Variants in CREBBP observed in about 807,000 individuals in gnomAD.
CREBBP encodes CREB binding lysine acetyltransferase.
Under a neutral mutation model 265.0 loss-of-function variants are expected in CREBBP, and 19 were observed. The ratio of observed to expected loss-of-function variants is 0.07; its 90% CI spans 0.05 to 0.11. The LOEUF (loss-of-function observed/expected upper bound fraction) is 0.11, where lower values mean the gene tolerates loss of function less well. Among genes scored for constraint, CREBBP ranks in the 10% least tolerant of loss-of-function variants. CREBBP has a pLI of 1.00. For missense variants in CREBBP, 2,525 were observed against 3,219.0 expected (o/e 0.78, Z 5.22); for synonymous variants, 1,457 against 1,223.7 (o/e 1.19, Z -3.98).
At chr16:3,753,264 C>A (rs1242138250) in intron 19 of CREBBP, among the ~76,000 whole-genome samples, 2 of 152,234 alleles carry the variant, frequency 1.3e-5, no homozygotes, top group Non-Finnish European at 1.5e-5. Context: ...TAGGACAGGT[C>A]CCCCACAAGT....
At chr16:3,735,297 T>C (rs1006869510) in intron 28 of CREBBP, among the ~76,000 whole-genome samples, 1 of 152,074 alleles carries the variant, frequency 6.6e-6, no homozygotes, top group Non-Finnish European at 1.5e-5. Flanking sequence ...GGGGCGGAGA[T>C]GGGGTTTTGT....
At chr16:3,776,024 C>T (rs760480216) in intron 11 of CREBBP, among the ~76,000 whole-genome samples, 6 of 152,044 alleles carry the variant, frequency 3.9e-5, no homozygotes, top group Admixed American at 2.0e-4. Context: ...TCAAGCAATT[C>T]TCCTGCCTCA....
At chr16:3,748,616 T>C (rs1055288011) in intron 21 of CREBBP, among the ~76,000 whole-genome samples, 1 of 152,202 alleles carries the variant, frequency 6.6e-6, no homozygotes, top group African/African-American at 2.4e-5. Context: ...AGGGTCTGTT[T>C]CTTGCCTTGG....
intron 2 of CREBBP, among the ~76,000 whole-genome samples, chr16:3,823,972 ACAC>A (rs1377693453): frequency 1.3e-5 from 2 of 151,854 alleles, no homozygotes; most frequent in African/African-American, 4.8e-5. Flanking sequence ...ACACACACAC[ACAC>A]ACACACACAC....
intron 4 of CREBBP, among the ~76,000 whole-genome samples, chr16:3,792,857 C>T (rs543778837): frequency 7.2e-5 from 11 of 152,204 alleles, no homozygotes; most frequent in African/African-American, 2.7e-4. Flanking sequence ...CACCACCCCC[C>T]CTGGGATGAT....
intron 24 of CREBBP, 131 bp downstream of exon 24, chr16:3,740,268 C>G: frequency 9.7e-7 from 1 of 1,029,542 alleles, no homozygotes. Context: ...GCTGAGGGGG[C>G]TACTGCACGC....
chr16:3,779,852 C>T (rs889683201), intron 8 of CREBBP, among the ~76,000 whole-genome samples: 2 of 152,078 alleles, frequency 1.3e-5, no homozygotes, highest in Non-Finnish European at 2.9e-5. Flanking sequence ...CTCATGCCAC[C>T]CAGCACTTTG....
At chr16:3,871,235 C>A (rs1024147201) in intron 1 of CREBBP, among the ~76,000 whole-genome samples, 1 of 151,028 alleles carries the variant, frequency 6.6e-6, no homozygotes, top group Admixed American at 6.6e-5. Context: ...ACACACACAC[C>A]CCACCCTGCA....
In CREBBP at chr16:3,727,667, A is replaced by G. The variant is rs774794414; in HGVS notation, c.*51T>C. Reference sequence around the variant, plus strand: ...AAAGAACCTAGATGCCTGGATTTTCAGTACAAAAGGTCCAAGAACATGAAA... The same window carrying G: ...AAAGAACCTAGATGCCTGGATTTTCGGTACAAAAGGTCCAAGAACATGAAA... On this transcript the variant is annotated 3_prime_UTR_variant, in exon 31 of 31. Coordinates refer to ENST00000262367, the MANE Select transcript of CREBBP (RefSeq NM_004380.3). The G allele has an allele frequency of 6.2e-7, 1 of 1,613,530 alleles. No homozygotes were observed. The highest frequency in any genetic ancestry group is 1.1e-5 in the South Asian group (1 of 91,034).
At chr16:3,861,273 AAAAT>A (rs2055067488) in intron 1 of CREBBP, among the ~76,000 whole-genome samples, 1 of 152,244 alleles carries the variant, frequency 6.6e-6, no homozygotes, top group Non-Finnish European at 1.5e-5. Flanking sequence ...CTGTCCCAAA[AAAAT>A]AAATAAATAA....
chr16:3,777,142 T>C (rs911283439), intron 11 of CREBBP, among the ~76,000 whole-genome samples: 1 of 152,066 alleles, frequency 6.6e-6, no homozygotes, highest in African/African-American at 2.4e-5. Context: ...AAGACCATCC[T>C]GGCTAACACG....
intron 2 of CREBBP, among the ~76,000 whole-genome samples, chr16:3,826,708 G>C (rs569037332): frequency 1.3e-5 from 2 of 152,138 alleles, no homozygotes; most frequent in African/African-American, 4.8e-5. Flanking sequence ...CCAAGGAAAG[G>C]CTGAGAAAAC....
At chr16:3,787,794 G>C (rs771644439) in intron 5 of CREBBP, among the ~76,000 whole-genome samples, 1 of 152,002 alleles carries the variant, frequency 6.6e-6, no homozygotes, top group Non-Finnish European at 1.5e-5. Context: ...TCCCACCTCA[G>C]GATACCGAGT....
At chr16:3,753,822 C>T (rs2052528643) in intron 19 of CREBBP, among the ~76,000 whole-genome samples, 1 of 152,144 alleles carries the variant, frequency 6.6e-6, no homozygotes, top group African/African-American at 2.4e-5. Context: ...ATCAAACACG[C>T]AGAACTATGG....
rs1205995511 is a variant in CREBBP at position 3,770,737 on chromosome 16, A to T, written c.2713T>A (p.Ser905Thr). 6.2e-7 allele frequency: 1 copy of T among 1,614,002 alleles called. No individual in the cohort carries two copies. The highest frequency in any genetic ancestry group is 8.5e-7 in the Non-Finnish European group (1 of 1,179,992). ...TGGGTTTGGGTAGCACTGGGCACTGAGCCAGGAGTCGGGGTGGGAGTCTGC... is the reference window on the plus strand; with the variant it reads ...TGGGTTTGGGTAGCACTGGGCACTGTGCCAGGAGTCGGGGTGGGAGTCTGC... ...SGQTPTPTPGSVPSATQTQST... is the reference protein window; with the variant it reads ...SGQTPTPTPGTVPSATQTQST... Residue 905 changes from serine (S) to threonine (T), a missense_variant, in exon 14 of 31, where the codon TCA becomes ACA. Coordinates refer to ENST00000262367, the MANE Select transcript of CREBBP (RefSeq NM_004380.3).
intron 16 of CREBBP, among the ~76,000 whole-genome samples, chr16:3,766,896 A>G (rs1292950714): frequency 6.6e-6 from 1 of 152,040 alleles, no homozygotes; most frequent in Non-Finnish European, 1.5e-5. Flanking sequence ...TGGGGCCCTC[A>G]ATTTCTAAGA....
chr16:3,768,095 C>G (rs898326313), intron 15 of CREBBP, among the ~76,000 whole-genome samples, 186 bp from the exon 16 acceptor site: 1 of 143,360 alleles, frequency 7.0e-6, no homozygotes, highest in African/African-American at 2.6e-5. Flanking sequence ...TAAGTCGCTT[C>G]AGCACAGAGT....
In CREBBP at chr16:3,801,795, T is replaced by C. The variant is rs541097664; in HGVS notation, c.976-8169A>G. The stretch of plus-strand genomic sequence containing the variant: ...TATCTGTCAGAAGCCTTAAAATATA[T>C]GCAATATGTGTTTCTGGAGCGAGGA... On this transcript the variant is annotated intron_variant, in intron 3 of 30. Coordinates refer to ENST00000262367, the MANE Select transcript of CREBBP (RefSeq NM_004380.3). Among the ~76,000 whole-genome samples, 6 of 152,334 alleles carry C rather than the reference T, an allele frequency of 3.9e-5. No individual in the cohort carries two copies. The South Asian group carries it at 1.0e-3, about 26-fold the overall frequency.
In CREBBP at chr16:3,751,714, G is replaced by T; in HGVS notation, c.3779+12C>A. On this transcript the variant is annotated intron_variant, in intron 20 of 30. Transcript: ENST00000262367. Reference sequence around the variant, plus strand: ...TCCCTCACCCCAGAGAAAATGACAGGACGGTACTTACGTCTGGGGCTGTGA... The same window carrying T: ...TCCCTCACCCCAGAGAAAATGACAGTACGGTACTTACGTCTGGGGCTGTGA... 6.2e-7 allele frequency: 1 copy of T among 1,613,726 alleles called. No individual in the cohort carries two copies. The highest frequency in any genetic ancestry group is 8.5e-7 in the Non-Finnish European group (1 of 1,179,630).
Sources: allele counts gnomAD v4.1 joint callset (sites outside exome capture counted in the v4.1 genomes callset), GRCh38; gene constraint gnomAD v4.1.1; transcripts MANE v1.5; gene names NCBI Gene and HGNC (gene_info 2026-07-23, HGNC 2026-07-21).